MAP4K4: variants seen among roughly 807,000 people sequenced by gnomAD.
MAP4K4 encodes the protein HPK/GCK-like kinase HGK.
In MAP4K4, 38 loss-of-function variants were observed where a neutral mutation model predicts 189.6. That is an observed-to-expected ratio of 0.20 (90% CI 0.15 to 0.26). The LOEUF (loss-of-function observed/expected upper bound fraction) is 0.26, where lower values mean the gene tolerates loss of function less well. Among genes scored for constraint, MAP4K4 ranks in the 10% least tolerant of loss-of-function variants. MAP4K4 has a pLI of 1.00. For missense variants in MAP4K4, 1,054 were observed against 1,726.9 expected (o/e 0.61, Z 6.91); for synonymous variants, 610 against 624.3 (o/e 0.98, Z 0.34).
chr2:101,744,845 A>AG (rs1390362413), intron 2 of MAP4K4, among the ~76,000 whole-genome samples: 1 of 152,186 alleles, frequency 6.6e-6, no homozygotes, highest in Non-Finnish European at 1.5e-5. Flanking sequence ...TATTTAATAA[A>AG]GGCTGGAAAT....
At chr2:101,872,311 A>T (rs1001978773) in intron 24 of MAP4K4, among the ~76,000 whole-genome samples, 5 of 152,188 alleles carry the variant, frequency 3.3e-5, no homozygotes, top group African/African-American at 1.2e-4. Flanking sequence ...AAAAATTAGG[A>T]TGTTAAGCAA....
At chr2:101,787,413 C>T (rs544104648) in intron 2 of MAP4K4, among the ~76,000 whole-genome samples, 3 of 152,172 alleles carry the variant, frequency 2.0e-5, no homozygotes, top group Non-Finnish European at 4.4e-5. Flanking sequence ...TTTTCATTTT[C>T]TCTTTAAATA....
At chr2:101,879,864 T>C (rs1395681509) in intron 27 of MAP4K4, among the ~76,000 whole-genome samples, 1 of 151,334 alleles carries the variant, frequency 6.6e-6, no homozygotes, top group Non-Finnish European at 1.5e-5. Flanking sequence ...AGACTTTTTC[T>C]AAACGTTTTT....
chr2:101,770,747 G>A (rs2150347637), intron 2 of MAP4K4, among the ~76,000 whole-genome samples: 1 of 152,290 alleles, frequency 6.6e-6, no homozygotes, highest in Middle Eastern at 3.4e-3. Flanking sequence ...GAACTGAGAA[G>A]CCTTACCTGG....
chr2:101,740,452 C>CTT (rs2062226122), intron 2 of MAP4K4, among the ~76,000 whole-genome samples: 1 of 102,566 alleles, frequency 9.7e-6, no homozygotes, highest in African/African-American at 1.6e-4. Flanking sequence ...CCGCGCCCGG[C>CTT]CGCTTTATAT....
intron 2 of MAP4K4, among the ~76,000 whole-genome samples, chr2:101,775,523 A>G (rs1043833261): frequency 2.0e-5 from 3 of 152,076 alleles, no homozygotes; most frequent in African/African-American, 4.8e-5. Context: ...TGTTTGTCAT[A>G]TAACACCTGT....
chr2:101,708,741 G>C (rs561894616), intron 2 of MAP4K4, among the ~76,000 whole-genome samples: 32 of 152,308 alleles, frequency 2.1e-4, no homozygotes, highest in African/African-American at 7.7e-4. Flanking sequence ...GATCATGCCA[G>C]TTAGATTCCT....
intron 28 of MAP4K4, 65 bp downstream of exon 28, chr2:101,882,750 TA>T: frequency 7.0e-7 from 1 of 1,430,870 alleles, no homozygotes; most frequent in Middle Eastern, 1.8e-4. Flanking sequence ...TTTTAAACTT[TA>T]AATTTTCACA....
In MAP4K4 at chr2:101,758,909, G is replaced by A. The variant is rs989513329; in HGVS notation, c.124-31811G>A. Among the ~76,000 whole-genome samples, 42 of 152,132 alleles carry A rather than the reference G, an allele frequency of 2.8e-4. 1 individual carries two copies. The highest frequency in any genetic ancestry group is 9.6e-4 in the African/African-American group (40 of 41,498). ...AGCACTTTGGGAGGCTGAGGCAGGC[G>A]GATCACGAGATCAGGAGATCGAGAC... On this transcript the variant is annotated intron_variant, in intron 2 of 32. Transcript: ENST00000324219.
chr2:101,861,021 C>T (rs1423826889), intron 16 of MAP4K4, 35 bp downstream of exon 16: 4 of 1,554,794 alleles, frequency 2.6e-6, no homozygotes, highest in Non-Finnish European at 3.5e-6. Flanking sequence ...GTTGAGGAGA[C>T]TCATGCAACG....
At position 101,877,154 on chromosome 2, in the gene MAP4K4, T is replaced by A. The variant is rs770236793; in HGVS notation, c.3385+8T>A. Reference sequence around the variant, plus strand: ...TCTTGGTGACAATATCTGGTGAGTGTTTGTTTTGTAAACCAGAATATGTGA... The same window carrying A: ...TCTTGGTGACAATATCTGGTGAGTGATTGTTTTGTAAACCAGAATATGTGA... On this transcript the variant is annotated splice_region_variant and intron_variant, in intron 27 of 32. Coordinates refer to ENST00000324219, the Ensembl canonical transcript of MAP4K4. 5 of 1,613,808 alleles carry A rather than the reference T, an allele frequency of 3.1e-6. No individual in the cohort carries two copies. Among genetic ancestry groups the A allele is most frequent in the Non-Finnish European group, 4.2e-6 (5 of 1,179,758 alleles).
chr2:101,788,263 T>TTGTTGGAGTGGAA (rs1265038632), intron 2 of MAP4K4, among the ~76,000 whole-genome samples: 2 of 152,114 alleles, frequency 1.3e-5, no homozygotes, highest in Non-Finnish European at 2.9e-5. Context: ...GCATGGGCCT[T>TTGTTGGAGTGGAA]TGTTGGAGTG....
chr2:101,730,318 GTAA>G, intron 2 of MAP4K4, among the ~76,000 whole-genome samples: 1 of 152,264 alleles, frequency 6.6e-6, no homozygotes, highest in South Asian at 2.1e-4. Context: ...GGAGAAGTTT[GTAA>G]ATGGGGGCCA....
At position 101,887,254 on chromosome 2, in the gene MAP4K4, A is replaced by G. The variant is rs113171318; in HGVS notation, c.3771+17A>G. The G allele has an allele frequency of 3.0e-5, 48 of 1,592,868 alleles. No homozygotes were observed. The highest frequency in any genetic ancestry group is 4.0e-5 in the Non-Finnish European group (47 of 1,172,926). ...CCAACACATGTAAGAAAGAACCCAC[A>G]CTCTATGGTTGGTTGACTGGCTTCA... On this transcript the variant is annotated intron_variant, in intron 30 of 32. Coordinates refer to ENST00000324219, the Ensembl canonical transcript of MAP4K4.
At chr2:101,821,691 A>G (rs533047588) in intron 3 of MAP4K4, among the ~76,000 whole-genome samples, 1 of 152,338 alleles carries the variant, frequency 6.6e-6, no homozygotes, top group East Asian at 1.9e-4. Context: ...CTGTACTGAC[A>G]TTACTGGTAT....
chr2:101,869,087 A>C (rs1292692261), intron 21 of MAP4K4, among the ~76,000 whole-genome samples: 1 of 151,970 alleles, frequency 6.6e-6, no homozygotes, highest in Non-Finnish European at 1.5e-5. Context: ...ATTAATATTT[A>C]TTACTAAAAT....
chr2:101,775,159 A>C (rs1290145398), intron 2 of MAP4K4, among the ~76,000 whole-genome samples: 6 of 150,236 alleles, frequency 4.0e-5, no homozygotes, highest in Non-Finnish European at 7.4e-5. Flanking sequence ...GTTGTTGCTG[A>C]GTGGCTTTGT....
chr2:101,833,223 C>G (rs2096639585), intron 7 of MAP4K4, among the ~76,000 whole-genome samples: 1 of 151,920 alleles, frequency 6.6e-6, no homozygotes, highest in Admixed American at 6.6e-5. Context: ...TTAAATTGAG[C>G]AACTTTAATT....
intron 2 of MAP4K4, among the ~76,000 whole-genome samples, chr2:101,734,965 G>A (rs796348646): frequency 1.1e-4 from 17 of 152,284 alleles, no homozygotes; most frequent in African/African-American, 3.9e-4. Context: ...GTTAACTAAC[G>A]TTTTGACTTG....
Sources: gnomAD v4.1 joint callset for allele counts (sites outside exome capture counted in the v4.1 genomes callset) on GRCh38, gnomAD v4.1.1 for gene constraint, MANE v1.5 for transcripts, NCBI Gene and HGNC (gene_info 2026-07-23, HGNC 2026-07-21) for gene names.